Variants in GRID1 observed in about 807,000 individuals in gnomAD.
GRID1 encodes the protein glutamate receptor ionotropic, delta-1.
A neutral mutation model predicts 98.0 loss-of-function variants in GRID1; 28 were observed. The observed-to-expected ratio is 0.29, with a 90% confidence interval of 0.21 to 0.39. The LOEUF is 0.39. Among genes scored for constraint, GRID1 ranks in the 10% least tolerant of loss-of-function variants. The probability of loss-of-function intolerance (pLI) is 1.00; values close to 1 mark genes in which losing one functional copy is unlikely to be tolerated. For synonymous variants in GRID1, 553 were observed against 538.5 expected (o/e 1.03, Z -0.37); for missense variants, 1,111 against 1,340.5 (o/e 0.83, Z 2.67).
At chr10:86,293,754 T>C (rs1444099905) in intron 2 of GRID1, among the ~76,000 whole-genome samples, 7 of 151,560 alleles carry the variant, frequency 4.6e-5, no homozygotes, top group African/African-American at 1.5e-4. Context: ...TGGGGTGGAA[T>C]GCATTCATTC....
chr10:86,001,442 T>C (rs999266735), intron 4 of GRID1, among the ~76,000 whole-genome samples: 1 of 152,194 alleles, frequency 6.6e-6, no homozygotes, highest in African/African-American at 2.4e-5. Flanking sequence ...AGGTGGACCT[T>C]GAGGACCCAC....
At chr10:85,743,105 G>GCTCCC (rs774463906) in intron 8 of GRID1, among the ~76,000 whole-genome samples, 1 of 82,672 alleles carries the variant, frequency 1.2e-5, no homozygotes, top group African/African-American at 3.9e-5. Context: ...GAATTATGCA[G>GCTCCC]CCCCCCCCCC....
intron 2 of GRID1, among the ~76,000 whole-genome samples, chr10:86,211,419 C>A (rs985416178): frequency 2.0e-5 from 3 of 152,218 alleles, no homozygotes; most frequent in African/African-American, 7.2e-5. Context: ...GCCCCCCCAC[C>A]TGCACCCTGT....
At chr10:85,629,832 G>T (rs1194784917) in intron 13 of GRID1, among the ~76,000 whole-genome samples, 2 of 152,132 alleles carry the variant, frequency 1.3e-5, no homozygotes, top group East Asian at 3.9e-4. Flanking sequence ...CACCAGCATT[G>T]TAGAAGCATT....
chr10:86,040,585 A>G (rs1175918325), intron 4 of GRID1, among the ~76,000 whole-genome samples: 2 of 152,004 alleles, frequency 1.3e-5, no homozygotes, highest in African/African-American at 2.4e-5. Flanking sequence ...CTGAGGAGAA[A>G]AGGGCAAGGG....
At chr10:85,984,049 T>G (rs938369061) in intron 4 of GRID1, among the ~76,000 whole-genome samples, 2 of 151,982 alleles carry the variant, frequency 1.3e-5, no homozygotes, top group African/African-American at 4.8e-5. Context: ...CGACTGGACT[T>G]CAGGAATGTA....
intron 3 of GRID1, among the ~76,000 whole-genome samples, chr10:86,200,720 C>T (rs904421804): frequency 6.6e-6 from 1 of 152,032 alleles, no homozygotes; most frequent in Non-Finnish European, 1.5e-5. Flanking sequence ...GAAGATATTG[C>T]CACACTTAAA....
At chr10:86,212,491 C>T (rs1050703955) in intron 2 of GRID1, among the ~76,000 whole-genome samples, 5 of 152,238 alleles carry the variant, frequency 3.3e-5, no homozygotes, top group Non-Finnish European at 5.9e-5. Flanking sequence ...CTCCTCTCCA[C>T]GGGCAGCAGA....
chr10:86,322,378 C>T (rs1847982509), intron 2 of GRID1, among the ~76,000 whole-genome samples: 1 of 152,176 alleles, frequency 6.6e-6, no homozygotes, highest in Non-Finnish European at 1.5e-5. Flanking sequence ...CTACCACATG[C>T]AAAGTAGAAT....
intron 2 of GRID1, among the ~76,000 whole-genome samples, chr10:86,310,188 T>A (rs1380074576): frequency 6.6e-6 from 1 of 152,224 alleles, no homozygotes; most frequent in Non-Finnish European, 1.5e-5. Context: ...CCCTCATACC[T>A]TCCTGGCCCC....
chr10:85,606,004 C>G (rs1842655928), intron 15 of GRID1: 1 of 152,206 alleles, frequency 6.6e-6, no homozygotes, highest in Non-Finnish European at 1.5e-5. Flanking sequence ...AAGTGCCAAG[C>G]TGGAATAGTA....
At chr10:86,107,336 A>C (rs899187744) in intron 4 of GRID1, among the ~76,000 whole-genome samples, 1 of 152,168 alleles carries the variant, frequency 6.6e-6, no homozygotes, top group African/African-American at 2.4e-5. Context: ...CCTGATAACA[A>C]TGCACAGCCA....
At chr10:85,966,909 G>C (rs932232614) in intron 4 of GRID1, among the ~76,000 whole-genome samples, 22 of 152,146 alleles carry the variant, frequency 1.4e-4, no homozygotes, top group African/African-American at 5.3e-4. Flanking sequence ...GACATGGTTT[G>C]GCTGTGTCCC....
At chr10:86,125,776 C>T (rs1338163477) in intron 4 of GRID1, among the ~76,000 whole-genome samples, 3 of 152,170 alleles carry the variant, frequency 2.0e-5, no homozygotes, top group South Asian at 2.1e-4. Context: ...ATAACAAGGA[C>T]GAAGACCTCT....
intron 5 of GRID1, among the ~76,000 whole-genome samples, chr10:85,892,205 T>TAAA (rs758750476): frequency 1.2e-5 from 1 of 83,392 alleles, no homozygotes; most frequent in African/African-American, 4.6e-5. Context: ...ATCATGGAGA[T>TAAA]AAAAAAAAAA....
At chr10:85,752,924 A>G (rs938825740) in intron 8 of GRID1, among the ~76,000 whole-genome samples, 5 of 152,236 alleles carry the variant, frequency 3.3e-5, no homozygotes, top group African/African-American at 7.2e-5. Context: ...ATTATAATAC[A>G]TTACAGCTTA....
At chr10:85,630,184 T>C (rs894873242) in intron 13 of GRID1, among the ~76,000 whole-genome samples, 1 of 152,178 alleles carries the variant, frequency 6.6e-6, no homozygotes, top group African/African-American at 2.4e-5. Flanking sequence ...TCAATCCCAC[T>C]TCACAGACAG....
chr10:85,969,244 AGTTG>A (rs1842376882), intron 4 of GRID1, among the ~76,000 whole-genome samples: 1 of 152,180 alleles, frequency 6.6e-6, no homozygotes, highest in Non-Finnish European at 1.5e-5. Flanking sequence ...ATAATATTAT[AGTTG>A]GAGACTACAA....
At chr10:85,796,622 A>G (rs1023100849) in intron 8 of GRID1, among the ~76,000 whole-genome samples, 1 of 152,192 alleles carries the variant, frequency 6.6e-6, no homozygotes, top group African/African-American at 2.4e-5. Context: ...TAAGAGATCT[A>G]GATGGGCAAA....
Sources: gnomAD v4.1 joint callset for allele counts (sites outside exome capture counted in the v4.1 genomes callset) on GRCh38, gnomAD v4.1.1 for gene constraint, MANE v1.5 for transcripts, NCBI Gene and HGNC (gene_info 2026-07-23, HGNC 2026-07-21) for gene names.